MGAT4C: variants seen among roughly 807,000 people sequenced by gnomAD.
The protein encoded by MGAT4C is MGAT4 family member C.
In MGAT4C, 19 loss-of-function variants were observed where a neutral mutation model predicts 40.1. The observed-to-expected ratio is 0.47, with a 90% CI of 0.33 to 0.70. The LOEUF (loss-of-function observed/expected upper bound fraction) is 0.70. Among genes scored for constraint, MGAT4C ranks in the 30% least tolerant of loss-of-function variants. The pLI is 0.02. For synonymous variants in MGAT4C, 181 were observed against 187.1 expected (o/e 0.97, Z 0.27); for missense variants, 491 against 563.2 (o/e 0.87, Z 1.30).
intron 4 of MGAT4C, among the ~76,000 whole-genome samples, chr12:86,322,385 G>A (rs1458796288): frequency 6.6e-6 from 1 of 151,618 alleles, no homozygotes; most frequent in African/African-American, 2.4e-5. Flanking sequence ...AAAAATCAGA[G>A]AACTGCTTAA....
chr12:86,025,924 T>C (rs779842971), intron 2 of MGAT4C, among the ~76,000 whole-genome samples: 1 of 151,784 alleles, frequency 6.6e-6, no homozygotes, highest in Non-Finnish European at 1.5e-5. Context: ...TTAGGGTTCC[T>C]GATATATACA....
At chr12:86,379,194 C>T (rs1171370812) in intron 3 of MGAT4C, among the ~76,000 whole-genome samples, 3 of 151,938 alleles carry the variant, frequency 2.0e-5, no homozygotes. Context: ...TGAATAAATA[C>T]ATGTAAAATG....
intron 2 of MGAT4C, among the ~76,000 whole-genome samples, chr12:86,561,541 T>A (rs1199373372): frequency 1.3e-5 from 2 of 152,178 alleles, no homozygotes; most frequent in East Asian, 3.9e-4. Context: ...TATTCACCTT[T>A]TGGACTCTTG....
intron 3 of MGAT4C, among the ~76,000 whole-genome samples, chr12:86,368,268 C>A (rs1434824296): frequency 6.6e-6 from 1 of 152,092 alleles, no homozygotes; most frequent in Non-Finnish European, 1.5e-5. Context: ...AAATGCCTGT[C>A]TAGCTAGGGA....
At chr12:86,787,279 T>C (rs1288225623) in intron 1 of MGAT4C, among the ~76,000 whole-genome samples, 1 of 152,146 alleles carries the variant, frequency 6.6e-6, no homozygotes, top group Non-Finnish European at 1.5e-5. Context: ...TCACTTAAGA[T>C]AATGACAAGT....
At chr12:86,697,589 T>A (rs1950280741) in intron 2 of MGAT4C, among the ~76,000 whole-genome samples, 1 of 152,122 alleles carries the variant, frequency 6.6e-6, no homozygotes, top group Non-Finnish European at 1.5e-5. Context: ...AACTTATTGC[T>A]GTTTCAGATG....
At chr12:86,205,651 A>T (rs982915814) in intron 1 of MGAT4C, among the ~76,000 whole-genome samples, 2 of 151,956 alleles carry the variant, frequency 1.3e-5, no homozygotes, top group East Asian at 3.9e-4. Flanking sequence ...CTGGTTCTTA[A>T]ACCCTTCAAC....
Position 85,957,657 on chromosome 12 carries a change from C to CAAAAAAAAAAAAAAAAAAAAG in MGAT4C, c.*21631_*21632insCTTTTTTTTTTTTTTTTTTTT, listed in dbSNP as rs5799763. 8 of 101,306 alleles carry CAAAAAAAAAAAAAAAAAAAAG rather than the reference C, an allele frequency of 7.9e-5. No homozygotes were observed. Among genetic ancestry groups the CAAAAAAAAAAAAAAAAAAAAG allele is most frequent in the Admixed American group, 2.1e-4 (2 of 9,394 alleles). The allele number at this position is 101,306 out of a possible 1,614,324, so 6.3% of individuals were successfully genotyped here. A position where few individuals can be genotyped will look rare whatever the true frequency, so the allele number is the denominator to read the frequency against. ...TTTACTGTAGAGTTGAATAAGAAAG[C>CAAAAAAAAAAAAAAAAAAAAG]AAAAAAAAAAAAAAAAGAAAAAAGA... On this transcript the variant is annotated 3_prime_UTR_variant, in exon 5 of 5. Coordinates refer to ENST00000611864, the MANE Select transcript of MGAT4C (RefSeq NM_001351288.2).
chr12:86,683,680 A>G (rs1950022603), intron 2 of MGAT4C, among the ~76,000 whole-genome samples: 2 of 152,190 alleles, frequency 1.3e-5, no homozygotes, highest in East Asian at 1.9e-4. Context: ...AAATCTTCCT[A>G]TATTTCTTTA....
intron 2 of MGAT4C, among the ~76,000 whole-genome samples, chr12:86,663,548 T>C (rs188361043): frequency 2.0e-5 from 3 of 152,218 alleles, no homozygotes; most frequent in African/African-American, 7.2e-5. Flanking sequence ...GTGTTATTGA[T>C]TTTTACTTGA....
chr12:86,412,709 A>G (rs1200372441), intron 3 of MGAT4C, among the ~76,000 whole-genome samples: 1 of 152,122 alleles, frequency 6.6e-6, no homozygotes, highest in African/African-American at 2.4e-5. Flanking sequence ...ACTTTAGGGG[A>G]CTGTTTAGAA....
intron 2 of MGAT4C, among the ~76,000 whole-genome samples, chr12:86,583,680 C>T (rs888281378): frequency 6.6e-6 from 1 of 151,120 alleles, no homozygotes; most frequent in African/African-American, 2.4e-5. Flanking sequence ...TTTAAGCAGT[C>T]TTCTGGTGAA....
At chr12:86,710,664 G>A (rs1021790099) in intron 2 of MGAT4C, among the ~76,000 whole-genome samples, 4 of 152,078 alleles carry the variant, frequency 2.6e-5, no homozygotes, top group Middle Eastern at 3.2e-3. Context: ...ACTATCACTC[G>A]ATCCAGCAAT....
chr12:86,422,193 C>T (rs1039828189), intron 3 of MGAT4C, among the ~76,000 whole-genome samples: 4 of 152,186 alleles, frequency 2.6e-5, no homozygotes, highest in Admixed American at 2.6e-4. Flanking sequence ...CCTTTTTACT[C>T]AAATCTGCCC....
intron 3 of MGAT4C, among the ~76,000 whole-genome samples, chr12:86,342,489 A>C (rs1324707041): frequency 2.0e-5 from 3 of 152,098 alleles, no homozygotes; most frequent in Non-Finnish European, 4.4e-5. Flanking sequence ...GAAGGAGCAA[A>C]GACCCTAAGT....
chr12:86,180,704 C>A (rs1888018446), intron 1 of MGAT4C, among the ~76,000 whole-genome samples: 1 of 152,182 alleles, frequency 6.6e-6, no homozygotes, highest in South Asian at 2.1e-4. Context: ...TGGCCAATTT[C>A]TCCTATTTGG....
chr12:86,485,976 T>G (rs1473333274), intron 2 of MGAT4C, among the ~76,000 whole-genome samples: 1 of 152,042 alleles, frequency 6.6e-6, no homozygotes, highest in Non-Finnish European at 1.5e-5. Context: ...CCCACCAAAC[T>G]AAGCCTCATA....
At chr12:86,617,769 C>G (rs890347064) in intron 2 of MGAT4C, among the ~76,000 whole-genome samples, 2 of 151,476 alleles carry the variant, frequency 1.3e-5, no homozygotes, top group Non-Finnish European at 2.9e-5. Context: ...CAGTACTTTG[C>G]TCTAGGCAAA....
chr12:86,013,477 T>C (rs182776706), intron 2 of MGAT4C, among the ~76,000 whole-genome samples: 295 of 152,226 alleles, frequency 1.9e-3, no homozygotes, highest in African/African-American at 6.8e-3. Context: ...TCATAAAAGA[T>C]TATTATATAT....
Sources: allele counts gnomAD v4.1 joint callset (sites outside exome capture counted in the v4.1 genomes callset), GRCh38; gene constraint gnomAD v4.1.1; transcripts MANE v1.5; gene names NCBI Gene and HGNC (gene_info 2026-07-23, HGNC 2026-07-21).